Variants in PASK observed in about 807,000 individuals in gnomAD.
PASK encodes the protein PAS domain containing serine/threonine kinase.
Under a neutral mutation model 121.0 loss-of-function variants are expected in PASK, and 110 were observed. The observed-to-expected ratio is 0.91, with a 90% CI of 0.78 to 1.06. The LOEUF (loss-of-function observed/expected upper bound fraction) is 1.06. PASK is among the 50% of genes least tolerant of loss of function. PASK has a pLI of 0.00. For missense variants in PASK, 1,643 were observed against 1,702.3 expected (o/e 0.97, Z 0.61); for synonymous variants, 686 against 717.8 (o/e 0.96, Z 0.71).
Position 241,124,089 on chromosome 2 carries a change from G to A in PASK, c.2764C>T (p.Pro922Ser). 3 of 1,613,756 alleles carry A rather than the reference G, an allele frequency of 1.9e-6. No homozygotes were observed. The highest frequency in any genetic ancestry group is 2.5e-6 in the Non-Finnish European group (3 of 1,179,956). The change falls in exon 11 of 18, where the codon CCT becomes TCT. Residue 922 changes from proline to serine, a missense_variant. Pro to Ser is a moderately conservative substitution (Grantham distance 74). Transcript: ENST00000234040. ...TTCACCAGCCAGCAGCAGAACAGAGGTGTGGGGCCCTGGAGCTCCACCCGC... is the reference window on the plus strand; with the variant it reads ...TTCACCAGCCAGCAGCAGAACAGAGATGTGGGGCCCTGGAGCTCCACCCGC... Reference protein sequence around the residue: ...VRRVELQGPTPLFCCWLVKDL... With the variant: ...VRRVELQGPTSLFCCWLVKDL...
intron 8 of PASK, chr2:241,134,565 C>T (rs2066316972): frequency 6.6e-6 from 1 of 152,236 alleles, no homozygotes; most frequent in Non-Finnish European, 1.5e-5. Flanking sequence ...ATGTTTATCT[C>T]ACCAGGCTGG....
intron 2 of PASK, among the ~76,000 whole-genome samples, chr2:241,142,197 A>T (rs1013681465): frequency 2.0e-5 from 3 of 152,076 alleles, no homozygotes; most frequent in African/African-American, 7.2e-5. Context: ...GTGCTCCTTG[A>T]CCTGGAGACC....
intron 3 of PASK, 28 bp downstream of exon 3, chr2:241,140,493 C>T (rs1211242622): frequency 1.4e-6 from 2 of 1,457,516 alleles, no homozygotes; most frequent in African/African-American, 1.4e-5. Context: ...CACATCTACA[C>T]AGCTGGATCT....
At chr2:241,138,221 C>T (rs1427195478) in intron 5 of PASK, 134 bp from the exon 6 acceptor site, 47 of 865,664 alleles carry the variant, frequency 5.4e-5, no homozygotes, top group Non-Finnish European at 5.6e-5. Flanking sequence ...GAGACATATA[C>T]ACATGAATTT....
intron 1 of PASK, among the ~76,000 whole-genome samples, chr2:241,146,702 T>A (rs1055249706): frequency 6.6e-6 from 1 of 152,222 alleles, no homozygotes; most frequent in African/African-American, 2.4e-5. Context: ...AACACACCTA[T>A]GTAATTAAAC....
At chr2:241,123,693 C>T (rs2065726357) in intron 11 of PASK, among the ~76,000 whole-genome samples, 1 of 151,994 alleles carries the variant, frequency 6.6e-6, no homozygotes, top group African/African-American at 2.4e-5. Context: ...TGGCGCGTGC[C>T]TGTAATCCCC....
At chr2:241,114,311 G>A (rs1168412288) in intron 14 of PASK, 19 of 985,248 alleles carry the variant, frequency 1.9e-5, no homozygotes, top group African/African-American at 3.5e-5. Context: ...GTTGATTCAC[G>A]GAAGCTGTCA....
chr2:241,125,973 G>A (rs554168102), intron 10 of PASK, among the ~76,000 whole-genome samples: 2 of 152,336 alleles, frequency 1.3e-5, no homozygotes, highest in African/African-American at 4.8e-5. Flanking sequence ...ACGGGCATGG[G>A]GCAGGTGGCC....
chr2:241,132,471 A>G (rs1168786438), intron 9 of PASK, among the ~76,000 whole-genome samples: 1 of 113,862 alleles, frequency 8.8e-6, no homozygotes, highest in South Asian at 3.4e-4. Flanking sequence ...GCAATGAGCA[A>G]TGAGCTGAGA....
In PASK at chr2:241,136,127, G is replaced by A. The variant is rs987058338; in HGVS notation, c.1138-88C>T. ...CCCCTGGGGGAGGAATGAACACAAG[G>A]AGAGCCAGTCCCTGAGGGTTCACCC... On this transcript the variant is annotated intron_variant, in intron 7 of 17. Coordinates refer to ENST00000234040, the MANE Select transcript of PASK (RefSeq NM_015148.4). 26 of 1,175,094 alleles carry A rather than the reference G, an allele frequency of 2.2e-5. No homozygotes were observed. The African/African-American group carries it at 3.2e-4, about 14-fold the overall frequency. 72.8% of individuals were successfully genotyped at this position (1,175,094 alleles called of 1,614,324 possible).
intron 12 of PASK, among the ~76,000 whole-genome samples, chr2:241,121,083 G>A (rs889372494): frequency 6.6e-6 from 1 of 152,248 alleles, no homozygotes; most frequent in African/African-American, 2.4e-5. Flanking sequence ...AAAAGAGCAT[G>A]CTGTGCATGA....
At chr2:241,113,365 CATAT>C in intron 14 of PASK, 1 of 143,550 alleles carries the variant, frequency 7.0e-6, no homozygotes, top group African/African-American at 2.5e-5. Flanking sequence ...TATATACAAA[CATAT>C]ACATACCTGC....
At chr2:241,122,944 G>A (rs772653431) in intron 11 of PASK, 45 bp from the exon 12 acceptor site, 97 of 1,587,544 alleles carry the variant, frequency 6.1e-5, no homozygotes, top group African/African-American at 1.1e-4. Flanking sequence ...CAACTGCACC[G>A]GGCAGAGGTG....
intron 9 of PASK, among the ~76,000 whole-genome samples, chr2:241,130,245 A>G (rs2125435314): frequency 6.6e-6 from 1 of 152,360 alleles, no homozygotes; most frequent in East Asian, 1.9e-4. Flanking sequence ...GAATGAATGG[A>G]TAAATCTCTA....
Position 241,115,426 on chromosome 2 carries a change from C to T in PASK, c.3073-13G>A, listed in dbSNP as rs1559360767. 1 of 1,613,742 alleles carries T rather than the reference C, an allele frequency of 6.2e-7. No individual in the cohort carries two copies. Among genetic ancestry groups the T allele is most frequent in the Non-Finnish European group, 8.5e-7 (1 of 1,179,784 alleles). ...ACTTCACCACCACCTGTGAGGAAGA[C>T]AGAGCGTAGTGGAAATAGCTGGAGC... On this transcript the variant is annotated splice_polypyrimidine_tract_variant and intron_variant, in intron 12 of 17. Coordinates refer to ENST00000234040, the MANE Select transcript of PASK (RefSeq NM_015148.4).
At position 241,137,962 on chromosome 2, in the gene PASK, GT is replaced by G; in HGVS notation, c.866del (p.His289ProfsTer23). The G allele has an allele frequency of 2.5e-6, 4 of 1,614,224 alleles. No homozygotes were observed. Among genetic ancestry groups the G allele is most frequent in the Non-Finnish European group, 3.4e-6 (4 of 1,180,020 alleles). On this transcript the variant is annotated frameshift_variant, in exon 6 of 18. Transcript: ENST00000234040. LOFTEE classifies it high-confidence loss of function. Reference protein sequence around the residue: ...PSVQLPPSGQHIPKNLKIQRS... With the variant: ...PSVQLPPSGQXIPKNLKIQRS... Reference sequence around the variant, plus strand: ...AGGTCAGGAGCCCTACCTTTGGGATGTGCTGGCCAGAAGGAGGGAGCTGCAC... The same window carrying G: ...AGGTCAGGAGCCCTACCTTTGGGATGGCTGGCCAGAAGGAGGGAGCTGCAC...
chr2:241,149,238 G>T (rs923250591), intron 1 of PASK, among the ~76,000 whole-genome samples, 176 bp downstream of exon 1: 6 of 152,282 alleles, frequency 3.9e-5, no homozygotes, highest in African/African-American at 1.4e-4. Flanking sequence ...GAGAGGACGC[G>T]GGCTCGGCGG....
At chr2:241,150,058 C>T, upstream of PASK, 1 of 1,344,766 alleles carries the variant, frequency 7.4e-7, no homozygotes. Flanking sequence ...GTCAGGGATG[C>T]ACGTAGGACT....
upstream of PASK, chr2:241,150,312 G>C: frequency 6.7e-6 from 9 of 1,335,488 alleles, no homozygotes; most frequent in Non-Finnish European, 8.6e-6. Flanking sequence ...CTGCTCTGGG[G>C]GAGGCGCGGC....
Sources: allele counts gnomAD v4.1 joint callset (sites outside exome capture counted in the v4.1 genomes callset), GRCh38; gene constraint gnomAD v4.1.1; transcripts MANE v1.5; gene names NCBI Gene and HGNC (gene_info 2026-07-23, HGNC 2026-07-21).